Variants in FHIT observed in about 807,000 individuals in gnomAD.
The protein encoded by FHIT is fragile histidine triad diadenosine triphosphatase.
FHIT carries 19 observed loss-of-function variants against 17.9 expected under a neutral mutation model. That is an observed-to-expected ratio of 1.06 (90% confidence interval 0.74 to 1.56). FHIT has a LOEUF of 1.56. Ranked by LOEUF, FHIT falls within the 40% of genes most tolerant of loss-of-function variation. The pLI is 0.00. For synonymous variants in FHIT, 81 were observed against 69.7 expected (o/e 1.16, Z -0.81); for missense variants, 248 against 189.2 (o/e 1.31, Z -1.82).
At chr3:60,346,876 T>C (rs746225670) in intron 5 of FHIT, among the ~76,000 whole-genome samples, 2 of 152,200 alleles carry the variant, frequency 1.3e-5, no homozygotes, top group Non-Finnish European at 2.9e-5. Flanking sequence ...GTTGCTTTCT[T>C]AGAAATTTTA....
intron 7 of FHIT, among the ~76,000 whole-genome samples, chr3:59,960,102 T>C (rs1037143362): frequency 6.6e-6 from 1 of 152,090 alleles, no homozygotes; most frequent in Admixed American, 6.5e-5. Context: ...TGGAAACCAC[T>C]GAAAAATTTG....
intron 4 of FHIT, among the ~76,000 whole-genome samples, chr3:60,798,422 C>A (rs2594166): frequency 6.6e-6 from 1 of 151,722 alleles, no homozygotes; most frequent in African/African-American, 2.4e-5. Flanking sequence ...TGATATTTGG[C>A]CCATTTTCAA....
intron 5 of FHIT, among the ~76,000 whole-genome samples, chr3:60,097,158 T>G (rs6806074): frequency 6.6e-6 from 1 of 151,754 alleles, no homozygotes; most frequent in Admixed American, 6.6e-5. Flanking sequence ...CACCCCCAAA[T>G]TTTAGTCCAG....
intron 4 of FHIT, among the ~76,000 whole-genome samples, chr3:60,554,383 A>C (rs73105645): frequency 0.022 from 3,310 of 152,310 alleles, 63 homozygotes; most frequent in Middle Eastern, 0.071. Context: ...CCTTACTGTT[A>C]TGTATCTTTC....
intron 5 of FHIT, among the ~76,000 whole-genome samples, chr3:60,164,181 G>A (rs1172240649): frequency 6.6e-6 from 1 of 152,148 alleles, no homozygotes; most frequent in Admixed American, 6.6e-5. Context: ...GTTCAGGTCA[G>A]GGGAAATGAA....
At chr3:60,539,531 T>C (rs955776129) in intron 4 of FHIT, among the ~76,000 whole-genome samples, 11 of 152,118 alleles carry the variant, frequency 7.2e-5, no homozygotes, top group Non-Finnish European at 1.3e-4. Context: ...TAGCAAAGAC[T>C]TGGAACCAAC....
intron 4 of FHIT, among the ~76,000 whole-genome samples, chr3:60,559,584 C>T (rs1043706866): frequency 6.6e-6 from 1 of 152,140 alleles, no homozygotes; most frequent in Non-Finnish European, 1.5e-5. Context: ...GGACAATGCA[C>T]AGTATAATGT....
chr3:60,311,676 C>G (rs1205943411), intron 5 of FHIT, among the ~76,000 whole-genome samples: 2 of 152,180 alleles, frequency 1.3e-5, no homozygotes, highest in African/African-American at 4.8e-5. Context: ...TCTGTGTTGT[C>G]TACCATTCTG....
At chr3:60,032,485 T>C (rs1380150421) in intron 5 of FHIT, among the ~76,000 whole-genome samples, 2 of 151,674 alleles carry the variant, frequency 1.3e-5, no homozygotes, top group Middle Eastern at 3.2e-3. Flanking sequence ...ATAAAAACAT[T>C]ATTGGGGGAA....
chr3:60,190,357 A>G (rs75459473), intron 5 of FHIT, among the ~76,000 whole-genome samples: 1 of 136,040 alleles, frequency 7.4e-6, no homozygotes, highest in Non-Finnish European at 1.7e-5. Flanking sequence ...ATGAGACCAG[A>G]AAAAAAAAAA....
At chr3:61,209,555 A>T (rs1471852740) in intron 1 of FHIT, among the ~76,000 whole-genome samples, 2 of 151,542 alleles carry the variant, frequency 1.3e-5, no homozygotes, top group African/African-American at 4.9e-5. Flanking sequence ...TTCTCGCTTC[A>T]TTTCATTCGT....
chr3:60,862,541 G>T (rs143563547), intron 3 of FHIT, among the ~76,000 whole-genome samples: 1 of 152,182 alleles, frequency 6.6e-6, no homozygotes, highest in African/African-American at 2.4e-5. Context: ...GACTTCTAAA[G>T]ATGTCCCTGC....
chr3:60,043,686 A>AGATAGATG (rs1179099449), intron 5 of FHIT, among the ~76,000 whole-genome samples: 7 of 152,182 alleles, frequency 4.6e-5, no homozygotes, highest in Admixed American at 3.9e-4. Context: ...ATAGATAGAT[A>AGATAGATG]GATAAAATAT....
rs1354830460 is a variant in FHIT at position 60,078,084 on chromosome 3, A to G, written c.104-63932T>C. ...TAAATTAGAAAGTTACCATTTAACAATCATCACAAAAGTAACTGTTTCAGG... is the reference window on the plus strand; with the variant it reads ...TAAATTAGAAAGTTACCATTTAACAGTCATCACAAAAGTAACTGTTTCAGG... On this transcript the variant is annotated intron_variant, in intron 5 of 9. Transcript: ENST00000492590. Among the ~76,000 whole-genome samples the G allele has an allele frequency of 2.0e-5, 3 of 152,156 alleles. No homozygotes were observed. In the East Asian group the frequency reaches 5.8e-4, roughly 29 times the overall value.
intron 3 of FHIT, among the ~76,000 whole-genome samples, chr3:60,983,720 T>C (rs1710593397): frequency 6.6e-6 from 1 of 152,078 alleles, no homozygotes; most frequent in Non-Finnish European, 1.5e-5. Flanking sequence ...GGTAGGAAGG[T>C]GATGACTGTC....
At chr3:60,153,933 GACATACTAGTAAGAGAGACACACTAA>G (rs1700574340) in intron 5 of FHIT, among the ~76,000 whole-genome samples, 2 of 152,132 alleles carry the variant, frequency 1.3e-5, no homozygotes, top group Non-Finnish European at 2.9e-5. Flanking sequence ...CTTTAGAGAT[GACATACTAGTAAGAGAGACACACTAA>G]AAACAAGTAA....
At position 59,998,167 on chromosome 3, in the gene FHIT, C is replaced by G. The variant is rs886722467; in HGVS notation, c.279+13204G>C. Among the ~76,000 whole-genome samples, 2 of 152,080 alleles carry G rather than the reference C, an allele frequency of 1.3e-5. 1 individual carries two copies. The highest frequency in any genetic ancestry group is 4.1e-4 in the South Asian group (2 of 4,824). On this transcript the variant is annotated intron_variant, in intron 7 of 9. Coordinates refer to ENST00000492590, the MANE Select transcript of FHIT (RefSeq NM_002012.4). ...AAAGTGAGCTGAAAGATGAGCCAAT[C>G]GACTCCTGAAAATCTAGCCACCGGT...
chr3:60,874,231 T>G lies in FHIT; in HGVS notation c.-110-52220A>C, dbSNP rs142972739. Among the ~76,000 whole-genome samples the G allele has an allele frequency of 3.2e-3, 480 of 152,282 alleles. 3 individuals are homozygous for G. The highest frequency in any genetic ancestry group is 0.011 in the African/African-American group (452 of 41,566). ...TAATAAAATAAAGGCTAGTATTTAT[T>G]AAACTCTAAATACATGTTTGCTGCT... On this transcript the variant is annotated intron_variant, in intron 3 of 9. Coordinates refer to ENST00000492590, the MANE Select transcript of FHIT (RefSeq NM_002012.4).
At chr3:60,189,746 G>A (rs752420122) in intron 5 of FHIT, among the ~76,000 whole-genome samples, 15 of 152,110 alleles carry the variant, frequency 9.9e-5, no homozygotes, top group Admixed American at 2.0e-4. Flanking sequence ...ATTTACCCAC[G>A]TTTTTTCATT....
Sources: allele counts gnomAD v4.1 joint callset (sites outside exome capture counted in the v4.1 genomes callset), GRCh38; gene constraint gnomAD v4.1.1; transcripts MANE v1.5; gene names NCBI Gene and HGNC (gene_info 2026-07-23, HGNC 2026-07-21).